The following IL23R variants were observed in gnomAD, a reference collection of about 807,000 sequenced individuals.
IL23R encodes the protein interleukin-23 receptor.
Under a neutral mutation model 56.9 loss-of-function variants are expected in IL23R, and 34 were observed. That is an observed-to-expected ratio of 0.60 (90% CI 0.45 to 0.80). The LOEUF (loss-of-function observed/expected upper bound fraction) is 0.80. Ranked by LOEUF, IL23R falls within the 30% of genes least tolerant of loss-of-function variation. IL23R has a pLI of 0.00. For missense variants in IL23R, 635 were observed against 730.0 expected, an observed-to-expected ratio of 0.87 and a Z score of 1.50; for synonymous variants, 230 against 249.2, an observed-to-expected ratio of 0.92 and a Z score of 0.73.
chr1:67,160,597 T>G (rs1646809808), intron 1 of IL23R, among the ~76,000 whole-genome samples: 1 of 152,208 alleles, frequency 6.6e-6, no homozygotes, highest in African/African-American at 2.4e-5. Flanking sequence ...CACACTTACA[T>G]TATATGTGAA....
chr1:67,236,562 C>T lies in IL23R; in HGVS notation c.956-151C>T, dbSNP rs574687984. ...AAAAGAAGAAGAAAAGACACATACT[C>T]GAAGACTATTGCTTTTATTCCACCC... is the stretch of plus-strand genomic sequence containing the variant. On this transcript the variant is annotated intron_variant, in intron 7 of 10. Transcript: ENST00000347310. 146 of 654,112 alleles carry T rather than the reference C, an allele frequency of 2.2e-4. 3 individuals are homozygous for T. In the South Asian group the frequency reaches 2.3e-3, roughly 10 times the overall value. The allele number at this position is 654,112 out of a possible 1,614,324, so 40.5% of individuals were successfully genotyped here.
At chr1:67,235,309 A>G (rs1004493915) in intron 7 of IL23R, among the ~76,000 whole-genome samples, 4 of 152,164 alleles carry the variant, frequency 2.6e-5, no homozygotes, top group Non-Finnish European at 5.9e-5. Flanking sequence ...TGATGTTTTC[A>G]TCTTCTAAAA....
At chr1:67,211,815 C>G (rs12071962) in intron 6 of IL23R, among the ~76,000 whole-genome samples, 1 of 152,150 alleles carries the variant, frequency 6.6e-6, no homozygotes, top group Non-Finnish European at 1.5e-5. Context: ...CATAGGCCAT[C>G]TTGGTAACAG....
upstream of IL23R, among the ~76,000 whole-genome samples, chr1:67,161,796 T>C (rs1646823347): frequency 6.6e-6 from 1 of 151,792 alleles, no homozygotes; most frequent in African/African-American, 2.4e-5. Context: ...CCTGGCTAAT[T>C]TTTGTATTTT....
intron 7 of IL23R, among the ~76,000 whole-genome samples, chr1:67,225,833 G>A (rs985110774): frequency 2.0e-5 from 3 of 152,164 alleles, no homozygotes; most frequent in African/African-American, 4.8e-5. Flanking sequence ...ACTTCTTAAA[G>A]TACAGATTCC....
At chr1:67,169,014 A>G (rs1257551407) in intron 2 of IL23R, among the ~76,000 whole-genome samples, 1 of 151,804 alleles carries the variant, frequency 6.6e-6, no homozygotes, top group South Asian at 2.1e-4. Context: ...GGTGGTGCTC[A>G]CCTGTAATCC....
chr1:67,194,220 A>AT (rs1435437863), intron 4 of IL23R, among the ~76,000 whole-genome samples: 1 of 151,802 alleles, frequency 6.6e-6, no homozygotes, highest in African/African-American at 2.4e-5. Context: ...ACGGTTCATC[A>AT]TATCATTGGC....
chr1:67,243,400 G>C (rs557033810), intron 9 of IL23R, among the ~76,000 whole-genome samples: 21 of 151,940 alleles, frequency 1.4e-4, no homozygotes, highest in African/African-American at 5.1e-4. Context: ...ATGGTGGTTT[G>C]CTGCACCCAT....
At chr1:67,145,442 G>A (rs1646671172) in intron 1 of IL23R, among the ~76,000 whole-genome samples, 1 of 152,194 alleles carries the variant, frequency 6.6e-6, no homozygotes, top group Non-Finnish European at 1.5e-5. Context: ...AGTATTTTGT[G>A]TAAATTAGCT....
chr1:67,164,875 A>T (rs1163670882), upstream of IL23R, among the ~76,000 whole-genome samples: 1 of 151,630 alleles, frequency 6.6e-6, no homozygotes, highest in South Asian at 2.1e-4. Context: ...GTATATGAAG[A>T]GGTACTCAAC....
intron 1 of IL23R, among the ~76,000 whole-genome samples, chr1:67,150,659 A>G (rs1646720490): frequency 6.6e-6 from 1 of 151,726 alleles, no homozygotes; most frequent in Non-Finnish European, 1.5e-5. Flanking sequence ...AAGTAAAAAA[A>G]AAAAAAAAAA....
At chr1:67,228,021 C>CTTT (rs1399547596) in intron 7 of IL23R, among the ~76,000 whole-genome samples, 2 of 31,706 alleles carry the variant, frequency 6.3e-5, no homozygotes, top group African/African-American at 1.7e-4. Context: ...TTTCTTTCTT[C>CTTT]CTTTCTTTCT....
At chr1:67,214,712 G>T (rs918866511) in intron 6 of IL23R, among the ~76,000 whole-genome samples, 3 of 152,098 alleles carry the variant, frequency 2.0e-5, no homozygotes, top group African/African-American at 7.2e-5. Flanking sequence ...AAATAAGAGG[G>T]ATTGGTATAT....
intron 1 of IL23R, among the ~76,000 whole-genome samples, chr1:67,147,856 G>A (rs576849684): frequency 1.3e-5 from 2 of 152,168 alleles, no homozygotes; most frequent in Non-Finnish European, 2.9e-5. Context: ...TTGTTTACCC[G>A]ACATCCCTTT....
chr1:67,139,296 G>A (rs532334401), intron 1 of IL23R: 1 of 152,250 alleles, frequency 6.6e-6, no homozygotes, highest in South Asian at 2.1e-4. Flanking sequence ...ATCTCAGAGG[G>A]CTGGTCTGAG....
intron 4 of IL23R, among the ~76,000 whole-genome samples, chr1:67,196,545 A>C (rs764743188): frequency 3.9e-5 from 6 of 152,110 alleles, no homozygotes; most frequent in Admixed American, 6.6e-5. Context: ...TGTCTCTAAA[A>C]AATAGAAGAA....
rs767190530 is a variant in IL23R at position 67,219,725 on chromosome 1, A to C, written c.950A>C (p.Glu317Ala). The C allele has an allele frequency of 2.5e-6, 4 of 1,613,194 alleles. No homozygotes were observed. In the African/African-American group the frequency reaches 5.3e-5, roughly 22 times the overall value. The change falls in exon 7 of 11, where the codon GAA becomes GCA. Residue 317 changes from glutamate to alanine, a missense_variant. Transcript: ENST00000347310. ...TCACTGTTTTTTCATAAAACACCTG[A>C]AACAGGTGAGTGTACTTATATATTT... The part of the protein sequence containing the change: ...WSSLFFHKTP[E>A]TVPQVTSKAF...
At chr1:67,148,639 G>T (rs533676425) in intron 1 of IL23R, among the ~76,000 whole-genome samples, 1 of 152,302 alleles carries the variant, frequency 6.6e-6, no homozygotes, top group East Asian at 1.9e-4. Flanking sequence ...TATCTTCTGA[G>T]AATTATTTCT....
chr1:67,216,526 C>A (rs1649843539), intron 6 of IL23R, among the ~76,000 whole-genome samples: 1 of 152,170 alleles, frequency 6.6e-6, no homozygotes, highest in African/African-American at 2.4e-5. Context: ...CATAAGATTT[C>A]TGTCTCAACT....
Sources: allele counts gnomAD v4.1 joint callset (sites outside exome capture counted in the v4.1 genomes callset), GRCh38; gene constraint gnomAD v4.1.1; transcripts MANE v1.5; gene names NCBI Gene and HGNC (gene_info 2026-07-23, HGNC 2026-07-21).